The following PHOX2B variants were observed in gnomAD, a reference collection of about 807,000 sequenced individuals.
PHOX2B encodes paired mesoderm homeobox protein 2B.
In PHOX2B, 1 loss-of-function variant was observed where a neutral mutation model predicts 15.5. The ratio of observed to expected loss-of-function variants is 0.06; its 90% CI spans 0.02 to 0.31. The LOEUF (loss-of-function observed/expected upper bound fraction) is 0.31. PHOX2B is among the 10% of genes least tolerant of loss of function. The pLI, the probability that PHOX2B is intolerant of heterozygous loss-of-function variation, is 1.00. For synonymous variants in PHOX2B, 206 were observed against 190.5 expected (o/e 1.08, Z -0.67); for missense variants, 314 against 436.4 (o/e 0.72, Z 2.50).
Position 41,745,882 on chromosome 4 carries a change from G to T in PHOX2B, c.870C>A (p.Pro290=), listed in dbSNP as rs17885864. The part of the protein sequence containing the change: ...ITSIPDSLGG[P]FASVLSSLQR... ...GGAGCGAAGATAGGACGCTGGCGAA[G>T]GGACCCCCAAGCGAATCCGGGATGG... is the stretch of plus-strand genomic sequence containing the variant. Residue 290 remains proline (P), a synonymous_variant, in exon 3 of 3, where the codon CCC becomes CCA. Transcript: ENST00000226382. The surrounding 1 kb of genome is among the most constrained non-coding windows in gnomAD (Gnocchi z 4.0). 0.024 allele frequency: 38,707 copies of T among 1,608,784 alleles called. 643 individuals carry two copies. Among genetic ancestry groups the T allele is most frequent in the African/African-American group, 0.056 (4,185 of 74,418 alleles).
rs578163582 is a variant in PHOX2B, at chr4:41,745,753, C to G, written c.*54G>C. On this transcript the variant is annotated 3_prime_UTR_variant, in exon 3 of 3. Coordinates refer to ENST00000226382, the MANE Select transcript of PHOX2B (RefSeq NM_003924.4). The surrounding 1 kb of genome is among the most constrained non-coding windows in gnomAD (Gnocchi z 4.0). ...CTACCCGCTCGCCCACTCGCCCGCC[C>G]GGGCCCTGGCTCGCCCGCTGTCGCC... 3 of 1,567,954 alleles carry G rather than the reference C, an allele frequency of 1.9e-6. No homozygotes were observed. The highest frequency in any genetic ancestry group is 2.7e-5 in the African/African-American group (2 of 73,798).
rs754362364 is a variant in PHOX2B, at chr4:41,745,927, G to C, written c.825C>G (p.Pro275=). 5 of 1,598,014 alleles carry C rather than the reference G, an allele frequency of 3.1e-6. No homozygotes were observed. In the African/African-American group the frequency reaches 5.4e-5, roughly 17 times the overall value. ...AAGGPGQGWA[P]GPGPITSIPD... ...GGATGGAGGTGATGGGGCCGGGGCC[G>C]GGAGCCCAGCCTTGTCCAGGGCCCC... The change falls in exon 3 of 3, where the codon CCC becomes CCG. Residue 275 remains proline, a synonymous_variant. Transcript: ENST00000226382. This position sits in a 1 kb window ranked among gnomAD's most constrained non-coding sequence, Gnocchi z 4.0.
At chr4:41,747,804 T>C (rs755529899) in intron 1 of PHOX2B, 19 of 652,246 alleles carry the variant, frequency 2.9e-5, no homozygotes, top group Non-Finnish European at 5.4e-5. Context: ...GGACTTGAGA[T>C]AGTGCTTTCA....
intron 1 of PHOX2B, 126 bp from the exon 2 acceptor site, chr4:41,747,662 G>T: frequency 1.3e-6 from 1 of 791,280 alleles, no homozygotes; most frequent in South Asian, 1.4e-5. Flanking sequence ...GCGCGAGAGA[G>T]TTGCCGAGAG....
In PHOX2B at chr4:41,747,544, A is replaced by G. The variant is rs2153112952; in HGVS notation, c.242-8T>C. The G allele has an allele frequency of 6.2e-7, 1 of 1,603,832 alleles. No homozygotes were observed. Among genetic ancestry groups the G allele is most frequent in the Non-Finnish European group, 8.5e-7 (1 of 1,178,950 alleles). ...TGAAGAGTTTGTAAGGAACTAGAGT[A>G]TGACAGAGGAGACAGAAAGTGAGCA... On this transcript the variant is annotated splice_polypyrimidine_tract_variant and splice_region_variant and intron_variant, in intron 1 of 2. Transcript: ENST00000226382.
rs1577561406 is a variant in PHOX2B, at chr4:41,748,560, A to G, written c.51T>C (p.Cys17=). The stretch of plus-strand genomic sequence containing the variant: ...GGCTCGAGGTGTCCATCCCAGCCAT[A>G]CAGGACTCGTAGGCAGAGGAATTGA... The part of the protein sequence containing the change: ...SYLNSSAYES[C]MAGMDTSSLA... Residue 17 remains cysteine (C), a synonymous_variant, in exon 1 of 3, where the codon TGT becomes TGC. Transcript: ENST00000226382. 6.2e-7 allele frequency: 1 copy of G among 1,613,376 alleles called. No homozygotes were observed. The highest frequency in any genetic ancestry group is 1.7e-5 in the Admixed American group (1 of 60,004).
rs1328080249 is a variant in PHOX2B at position 41,746,067 on chromosome 4, G to T, written c.685C>A (p.Pro229Thr). 2 of 1,402,062 alleles carry T rather than the reference G, an allele frequency of 1.4e-6. No individual in the cohort carries two copies. The highest frequency in any genetic ancestry group is 6.0e-5 in the Admixed American group (2 of 33,516). The allele number at this position is 1,402,062 out of a possible 1,614,324, so 86.9% of individuals were successfully genotyped here. ...SPAGAPGAAG[P>T]GGPGGEPGKG... ...CCGGGTTCGCCTCCCGGGCCCCCGG[G>T]CCCCGCCGCCCCCGGAGCTCCAGCC... Residue 229 changes from proline (P) to threonine (T), a missense_variant, in exon 3 of 3, where the codon CCC (proline) becomes ACC (threonine). Pro to Thr is a conservative substitution (Grantham distance 38). This residue lies in a region of PHOX2B where 157 missense variants were observed against 169.0 expected (regional missense o/e 0.93). Coordinates refer to ENST00000226382, the MANE Select transcript of PHOX2B (RefSeq NM_003924.4).
intron 2 of PHOX2B, among the ~76,000 whole-genome samples, chr4:41,746,624 T>G (rs1733909607): frequency 6.6e-6 from 1 of 152,180 alleles, no homozygotes; most frequent in African/African-American, 2.4e-5. Context: ...TTGGTGGGCC[T>G]CTGTTCAGTC....
chr4:41,747,994 T>C (rs984358164), intron 1 of PHOX2B, among the ~76,000 whole-genome samples: 36 of 152,010 alleles, frequency 2.4e-4, no homozygotes, highest in African/African-American at 8.0e-4. Flanking sequence ...GAAATAATCA[T>C]AAAAATGACC....
rs1470625532 is a variant in PHOX2B, at chr4:41,745,912, G to A, written c.840C>T (p.Ile280=). The A allele has an allele frequency of 6.2e-7, 1 of 1,605,046 alleles. No homozygotes were observed. Among genetic ancestry groups the A allele is most frequent in the Non-Finnish European group, 8.5e-7 (1 of 1,176,186 alleles). ...CCCCAAGCGAATCCGGGATGGAGGTGATGGGGCCGGGGCCGGGAGCCCAGC... is the reference window on the plus strand; with the variant it reads ...CCCCAAGCGAATCCGGGATGGAGGTAATGGGGCCGGGGCCGGGAGCCCAGC... The part of the protein sequence containing the change: ...GQGWAPGPGP[I]TSIPDSLGGP... The change falls in exon 3 of 3, where the codon ATC becomes ATT. Residue 280 remains isoleucine (I), a synonymous_variant. Coordinates refer to ENST00000226382, the MANE Select transcript of PHOX2B (RefSeq NM_003924.4). The surrounding 1 kb of genome is among the most constrained non-coding windows in gnomAD (Gnocchi z 4.0).
chr4:41,746,430 A>T, intron 2 of PHOX2B, 108 bp from the exon 3 acceptor site: 1 of 1,055,512 alleles, frequency 9.5e-7, no homozygotes, highest in Non-Finnish European at 1.4e-6. Context: ...TTGTTTTAAC[A>T]CCCTCCTCCC....
Position 41,748,358 on chromosome 4 carries a change from G to A in PHOX2B, c.241+12C>T, listed in dbSNP as rs1369090763. On this transcript the variant is annotated intron_variant, in intron 1 of 2. Coordinates refer to ENST00000226382, the MANE Select transcript of PHOX2B (RefSeq NM_003924.4). Reference sequence around the variant, plus strand: ...GGCGGCTTCCTCCGCTGAGAAAGCTGAAGGTCCTTACCTGCGGCGTACGGA... The same window carrying A: ...GGCGGCTTCCTCCGCTGAGAAAGCTAAAGGTCCTTACCTGCGGCGTACGGA... 1.9e-6 allele frequency: 3 copies of A among 1,613,980 alleles called. No individual in the cohort carries two copies. The East Asian group carries it at 6.7e-5, about 36-fold the overall frequency.
rs371949736 is a variant in PHOX2B, at chr4:41,746,400, G to A, written c.430-78C>T. ...GGGAAAGAAAAGCACCGGTTAGGGT[G>A]GCCCAAGTTCTACTTCGGCTTGTTT... On this transcript the variant is annotated intron_variant, in intron 2 of 2. Coordinates refer to ENST00000226382, the MANE Select transcript of PHOX2B (RefSeq NM_003924.4). The A allele has an allele frequency of 7.6e-5, 110 of 1,450,646 alleles. 1 individual carries two copies. The South Asian group carries it at 1.2e-3, about 16-fold the overall frequency. 89.9% of individuals were successfully genotyped at this position (1,450,646 alleles called of 1,614,324 possible).
In PHOX2B at chr4:41,748,551, C is replaced by T. The variant is rs1299419340; in HGVS notation, c.60G>A (p.Gly20=). The change falls in exon 1 of 3, where the codon GGG becomes GGA. Residue 20 remains glycine (G), a synonymous_variant. Coordinates refer to ENST00000226382, the MANE Select transcript of PHOX2B (RefSeq NM_003924.4). ...CTGAAGCCAGGCTCGAGGTGTCCATCCCAGCCATACAGGACTCGTAGGCAG... is the reference window on the plus strand; with the variant it reads ...CTGAAGCCAGGCTCGAGGTGTCCATTCCAGCCATACAGGACTCGTAGGCAG... ...NSSAYESCMA[G]MDTSSLASAY... 1 of 1,613,648 alleles carries T rather than the reference C, an allele frequency of 6.2e-7. No homozygotes were observed. Among genetic ancestry groups the T allele is most frequent in the Non-Finnish European group, 8.5e-7 (1 of 1,179,660 alleles).
rs895428574 is a variant in PHOX2B at position 41,745,741 on chromosome 4, CACTCGCCCGCCCGGGCCCTG to C, written c.*46_*65del. ...ATAGCCTTGGGCCTACCCGCTCGCC[CACTCGCCCGCCCGGGCCCTG>C]GCTCGCCCGCTGTCGCCGCCGCCGC... is the stretch of plus-strand genomic sequence containing the variant. On this transcript the variant is annotated 3_prime_UTR_variant, in exon 3 of 3. Coordinates refer to ENST00000226382, the MANE Select transcript of PHOX2B (RefSeq NM_003924.4). This position sits in a 1 kb window ranked among gnomAD's most constrained non-coding sequence, Gnocchi z 4.0. 6.4e-7 allele frequency: 1 copy of C among 1,552,140 alleles called. No homozygotes were observed. The highest frequency in any genetic ancestry group is 1.4e-5 in the African/African-American group (1 of 73,342).
intron 1 of PHOX2B, 124 bp from the exon 2 acceptor site, chr4:41,747,660 G>C (rs1733956052): frequency 1.3e-6 from 1 of 790,854 alleles, no homozygotes; most frequent in Non-Finnish European, 2.2e-6. Flanking sequence ...CCGCGCGAGA[G>C]AGTTGCCGAG....
intron 1 of PHOX2B, chr4:41,747,763 C>CT (rs1027566511): frequency 2.9e-6 from 2 of 690,712 alleles, no homozygotes; most frequent in African/African-American, 3.5e-5. Context: ...GCACAAGCGC[C>CT]TTTGGGTGGA....
rs1395378700 is a variant in PHOX2B at position 41,746,213 on chromosome 4, C to G, written c.539G>C (p.Arg180Thr). Residue 180 changes from arginine (R) to threonine (T), a missense_variant, in exon 3 of 3, where the codon AGG (arginine) becomes ACG (threonine). Arg to Thr is a moderately conservative substitution (Grantham distance 71). This residue lies in a region of PHOX2B where 31 missense variants were observed against 29.6 expected (regional missense o/e 1.05). Transcript: ENST00000226382. ...CTTGGCCTCTTTGCTCTCGTCGTCC[C>G]TGGAAGAGTCAGACTTTTTGCCCGA... ...GSSGKKSDSS[R>T]DDESKEAKST... 3 of 1,613,804 alleles carry G rather than the reference C, an allele frequency of 1.9e-6. No homozygotes were observed. Among genetic ancestry groups the G allele is most frequent in the African/African-American group, 1.3e-5 (1 of 74,916 alleles).
Position 41,745,804 on chromosome 4 carries a change from A to G in PHOX2B, c.*3T>C. ...GCCGCCGCCGCCGCCGCAGGATTCC[A>G]GATCAGAACATACTGCTCTTCACTA... On this transcript the variant is annotated 3_prime_UTR_variant, in exon 3 of 3. Transcript: ENST00000226382. This position sits in a 1 kb window ranked among gnomAD's most constrained non-coding sequence, Gnocchi z 4.0. 1 of 1,598,508 alleles carries G rather than the reference A, an allele frequency of 6.3e-7. No homozygotes were observed.
Sources: allele counts gnomAD v4.1 joint callset (sites outside exome capture counted in the v4.1 genomes callset), GRCh38; gene constraint gnomAD v4.1.1; regional missense constraint gnomAD v4.1.1; non-coding constraint Gnocchi (gnomAD v3.1); transcripts MANE v1.5; gene names NCBI Gene and HGNC (gene_info 2026-07-23, HGNC 2026-07-21).